CD163: variants seen among roughly 807,000 people sequenced by gnomAD.
The protein encoded by CD163 is CD163 molecule.
Under a neutral mutation model 129.2 loss-of-function variants are expected in CD163, and 64 were observed. That is an observed-to-expected ratio of 0.50 (90% confidence interval 0.41 to 0.61). CD163 has a LOEUF of 0.61. Ranked by LOEUF, CD163 falls within the 20% of genes least tolerant of loss-of-function variation. The pLI is 0.00. For synonymous variants in CD163, 446 were observed against 478.5 expected (o/e 0.93, Z 0.89); for missense variants, 1,061 against 1,377.9 (o/e 0.77, Z 3.64).
At chr12:7,492,223 A>T in intron 6 of CD163, among the ~76,000 whole-genome samples, 1 of 152,204 alleles carries the variant, frequency 6.6e-6, no homozygotes, top group East Asian at 1.9e-4. Flanking sequence ...TTGTAAAAGG[A>T]AACAAAAAGT....
At chr12:7,478,980 ATTT>A (rs920089750) in intron 16 of CD163, among the ~76,000 whole-genome samples, 1 of 151,264 alleles carries the variant, frequency 6.6e-6, no homozygotes, top group Non-Finnish European at 1.5e-5. Context: ...TCACATTTGA[ATTT>A]TTTTTTATGT....
chr12:7,487,975 A>G lies in CD163; in HGVS notation c.1533T>C (p.Ala511=). The G allele has an allele frequency of 1.9e-6, 3 of 1,614,164 alleles. No individual in the cohort carries two copies. Among genetic ancestry groups the G allele is most frequent in the Non-Finnish European group, 1.7e-6 (2 of 1,180,022 alleles). ...SICDSDFSLE[A]ASVLCRELQC... is the part of the protein sequence containing the mutation. ...GTAATTCCCTGCATAGAACGCTGGC[A>G]GCTTCCAGAGAGAAGTCCGAATCAC... Residue 511 remains alanine, a synonymous_variant, in exon 7 of 17, where the codon GCT becomes GCC. Coordinates refer to ENST00000432237, the MANE Select transcript of CD163 (RefSeq NM_203416.4). The surrounding 1 kb of genome is among the most constrained non-coding windows in gnomAD (Gnocchi z 5.1).
intron 6 of CD163, among the ~76,000 whole-genome samples, chr12:7,491,258 G>A (rs1385898483): frequency 6.6e-6 from 1 of 152,024 alleles, no homozygotes; most frequent in East Asian, 1.9e-4. Context: ...TTTGAGTCAA[G>A]GCAGAGGACA....
At chr12:7,483,034 A>G in intron 12 of CD163, 30 bp from the exon 13 acceptor site, 1 of 1,606,722 alleles carries the variant, frequency 6.2e-7, no homozygotes, top group Non-Finnish European at 8.5e-7. Context: ...GAGAGGGTTA[A>G]TTCTTTGCAT....
intron 6 of CD163, among the ~76,000 whole-genome samples, chr12:7,489,221 G>C (rs1430608484): frequency 6.6e-6 from 1 of 152,018 alleles, no homozygotes; most frequent in Non-Finnish European, 1.5e-5. Flanking sequence ...CATATCTGTT[G>C]GTCCTCCAGC....
At chr12:7,482,812 T>C (rs1308996826) in intron 13 of CD163, 50 bp from the exon 14 acceptor site, 1 of 1,606,542 alleles carries the variant, frequency 6.2e-7, no homozygotes, top group Non-Finnish European at 8.5e-7. Context: ...ATCGAAAAGA[T>C]CAAGGTCCCT....
At chr12:7,499,292 A>G (rs1396296102) in intron 3 of CD163, 104 bp from the exon 4 acceptor site, 1 of 983,308 alleles carries the variant, frequency 1.0e-6, no homozygotes, top group Admixed American at 2.3e-5. Context: ...TGTCCTTAAA[A>G]TGGTGCCTGA....
chr12:7,483,057 A>G (rs1949185323), intron 12 of CD163, 53 bp from the exon 13 acceptor site: 19 of 1,559,980 alleles, frequency 1.2e-5, no homozygotes, highest in Non-Finnish European at 1.6e-5. Context: ...TATATAGAAC[A>G]AGCCTTCTGA....
In CD163 at chr12:7,485,029, G is replaced by C. The variant is rs1949228078; in HGVS notation, c.2779+67C>G. 7.5e-7 allele frequency: 1 copy of C among 1,338,438 alleles called. No individual in the cohort carries two copies. The highest frequency in any genetic ancestry group is 1.4e-5 in the African/African-American group (1 of 69,004). The allele number at this position is 1,338,438 out of a possible 1,614,324, so 82.9% of individuals were successfully genotyped here. On this transcript the variant is annotated intron_variant, in intron 11 of 16. Coordinates refer to ENST00000432237, the MANE Select transcript of CD163 (RefSeq NM_203416.4). This position sits in a 1 kb window ranked among gnomAD's most constrained non-coding sequence, Gnocchi z 4.5. ...TGAGAATAGGAAAATAAAATCCAGT[G>C]TCCATTATCAGAAGATGATAGCGGG...
chr12:7,486,108 T>C (rs1417327869), intron 10 of CD163, among the ~76,000 whole-genome samples: 1 of 152,228 alleles, frequency 6.6e-6, no homozygotes, highest in Non-Finnish European at 1.5e-5. Context: ...ATAGTAATTA[T>C]CTTTTTTTCT....
At position 7,487,396 on chromosome 12, in the gene CD163, T is replaced by C. The variant is rs1949266633; in HGVS notation, c.2013A>G (p.Leu671=). 6 of 1,606,394 alleles carry C rather than the reference T, an allele frequency of 3.7e-6. No individual in the cohort carries two copies. Among genetic ancestry groups the C allele is most frequent in the Admixed American group, 1.7e-5 (1 of 59,238 alleles). ...DCPVTALGAS[L]CPSEQVASVI... is the part of the protein sequence containing the mutation. ...CAGAGGCCACTTGCTCTGAAGGACA[T>C]AATGAAGCACCTAGAGCAGTTACAG... The change falls in exon 8 of 17, where the codon TTA becomes TTG. Residue 671 remains leucine (L), a synonymous_variant. Coordinates refer to ENST00000432237, the MANE Select transcript of CD163 (RefSeq NM_203416.4). This position sits in a 1 kb window ranked among gnomAD's most constrained non-coding sequence, Gnocchi z 5.1.
rs1279399354 is a variant in CD163 at position 7,501,285 on chromosome 12, G to T, written c.311C>A (p.Ala104Asp). The change falls in exon 3 of 17, where the codon GCT (alanine) becomes GAT (aspartate). Residue 104 changes from alanine to aspartate, a missense_variant. Coordinates refer to ENST00000432237, the MANE Select transcript of CD163 (RefSeq NM_203416.4). ...GCGTCCAGAACCTGCACTGGAATTAGCCCATCCAGGGGCTTTGATAGCAGT... is the reference window on the plus strand; with the variant it reads ...GCGTCCAGAACCTGCACTGGAATTATCCCATCCAGGGGCTTTGATAGCAGT... Reference protein sequence around the residue: ...CPTAIKAPGWANSSAGSGRIW... With the variant: ...CPTAIKAPGWDNSSAGSGRIW... 6.2e-7 allele frequency: 1 copy of T among 1,614,052 alleles called. No individual in the cohort carries two copies. Among genetic ancestry groups the T allele is most frequent in the Non-Finnish European group, 8.5e-7 (1 of 1,180,030 alleles).
chr12:7,475,583 G>A (rs1439371959), intron 16 of CD163, among the ~76,000 whole-genome samples: 1 of 152,002 alleles, frequency 6.6e-6, no homozygotes, highest in Non-Finnish European at 1.5e-5. Context: ...TTGATGAAAC[G>A]TATCTCAAAA....
intron 6 of CD163, among the ~76,000 whole-genome samples, chr12:7,488,622 C>T (rs1235660452): frequency 6.6e-6 from 1 of 152,182 alleles, no homozygotes; most frequent in Non-Finnish European, 1.5e-5. Context: ...TCTGACAGTG[C>T]TTTATCAAAA....
rs372793062 is a variant in CD163, at chr12:7,497,002, A to G, written c.910T>C (p.Cys304Arg). The part of the protein sequence containing the change: ...GWDSYDAAVA[C>R]KQLGCPTAVT... ...GCAGTTGGACATCCCAGTTGCTTGC[A>G]TGCCACAGCAGCATCGTAACTGTCC... The change falls in exon 5 of 17, where the codon TGC becomes CGC. Residue 304 changes from cysteine to arginine, a missense_variant. By Grantham distance (180) the Cys-to-Arg change is radical. Transcript: ENST00000432237. 5 of 1,613,972 alleles carry G rather than the reference A, an allele frequency of 3.1e-6. No individual in the cohort carries two copies. In the African/African-American group the frequency reaches 6.7e-5, roughly 22 times the overall value.
rs762652679 is a variant in CD163, at chr12:7,486,798, C to T, written c.2159G>A (p.Arg720His). 1.8e-5 allele frequency: 29 copies of T among 1,609,160 alleles called. No homozygotes were observed. The highest frequency in any genetic ancestry group is 5.0e-5 in the Admixed American group (3 of 59,732). The change falls in exon 10 of 17, where the codon CGC (arginine) becomes CAC (histidine). Residue 720 changes from arginine (R) to histidine (H), a missense_variant. Arg to His is a conservative substitution (Grantham distance 29). Transcript: ENST00000432237. The stretch of plus-strand genomic sequence containing the variant: ...ACAGCGACCTCCTCCATTTACCAGG[C>T]GAAGTTGACCACTCTCTGCAAAGAG... ...AVACIESGQL[R>H]LVNGGGRCAG...
Position 7,501,271 on chromosome 12 carries a change from C to G in CD163, c.325G>C (p.Gly109Arg). ...KAPGWANSSA[G>R]SGRIWMDHVS... is the part of the protein sequence containing the mutation. ...TGATCCATCCAAATGCGTCCAGAACCTGCACTGGAATTAGCCCATCCAGGG... is the reference window on the plus strand; with the variant it reads ...TGATCCATCCAAATGCGTCCAGAACGTGCACTGGAATTAGCCCATCCAGGG... Residue 109 changes from glycine (G) to arginine (R), a missense_variant, in exon 3 of 17, where the codon GGT becomes CGT. Physicochemically the swap from Gly to Arg is moderately radical, Grantham distance 125. Coordinates refer to ENST00000432237, the MANE Select transcript of CD163 (RefSeq NM_203416.4). 6.2e-7 allele frequency: 1 copy of G among 1,614,210 alleles called. No individual in the cohort carries two copies. The highest frequency in any genetic ancestry group is 1.1e-5 in the South Asian group (1 of 91,090).
rs764700109 is a variant in CD163 at position 7,496,826 on chromosome 12, G to A, written c.1086C>T (p.Gly362=). The A allele has an allele frequency of 4.3e-6, 7 of 1,613,742 alleles. No individual in the cohort carries two copies. The Admixed American group carries it at 6.7e-5, about 15-fold the overall frequency. The stretch of plus-strand genomic sequence containing the variant: ...GTTTTAACTTACCAGAACATGTCAC[G>A]CCAGCATCTTCATTGTGATTGCAAT... ...KHYCNHNEDA[G]VTCSDGSDLE... Residue 362 remains glycine, a synonymous_variant, in exon 5 of 17, where the codon GGC becomes GGT. Coordinates refer to ENST00000432237, the MANE Select transcript of CD163 (RefSeq NM_203416.4). The surrounding 1 kb of genome is among the most constrained non-coding windows in gnomAD (Gnocchi z 4.8).
chr12:7,499,086 T>C lies in CD163; in HGVS notation c.560A>G (p.Asn187Ser). 6.2e-7 allele frequency: 1 copy of C among 1,614,128 alleles called. No homozygotes were observed. The highest frequency in any genetic ancestry group is 8.5e-7 in the Non-Finnish European group (1 of 1,180,000). The change falls in exon 4 of 17, where the codon AAC becomes AGC. Residue 187 changes from asparagine to serine, a missense_variant. Transcript: ENST00000432237. The part of the protein sequence containing the change: ...QGRWGTVCDD[N>S]FNIDHASVIC... ...GACAGATGCATGATCTATGTTGAAG[T>C]TATCATCACACACTGTTCCCCACCG...
Sources: allele counts gnomAD v4.1 joint callset (sites outside exome capture counted in the v4.1 genomes callset), GRCh38; gene constraint gnomAD v4.1.1; non-coding constraint Gnocchi (gnomAD v3.1); transcripts MANE v1.5; gene names NCBI Gene and HGNC (gene_info 2026-07-23, HGNC 2026-07-21).